Variants in ZNF676 observed in about 807,000 individuals in gnomAD.
ZNF676 encodes zinc finger protein 676.
ZNF676 carries 4 observed loss-of-function variants against 6.0 expected under a neutral mutation model. The observed-to-expected ratio is 0.67, with a 90% CI of 0.33 to 1.53. The LOEUF (loss-of-function observed/expected upper bound fraction) is 1.53, where lower values mean the gene tolerates loss of function less well. Among genes scored for constraint, ZNF676 ranks in the 40% most tolerant of loss-of-function variants. The probability of loss-of-function intolerance (pLI) is 0.06; values close to 1 mark genes in which losing one functional copy is unlikely to be tolerated. For missense variants in ZNF676, 644 were observed against 679.7 expected (o/e 0.95, Z 0.58); for synonymous variants, 198 against 223.1 (o/e 0.89, Z 1.00).
intron 1 of ZNF676, among the ~76,000 whole-genome samples, chr19:22,210,929 T>G (rs549989808): frequency 1.3e-5 from 2 of 152,306 alleles, no homozygotes; most frequent in Admixed American, 6.5e-5. Flanking sequence ...AAACATTCTC[T>G]GATCTAAAAT....
At chr19:22,226,865 C>T in the ZNF676 span, among the ~76,000 whole-genome samples, 2 of 152,220 alleles carry the variant, frequency 1.3e-5, no homozygotes, top group Admixed American at 1.3e-4. Context: ...TCCCAAAGTT[C>T]TCGGGTTACA....
the ZNF676 span, among the ~76,000 whole-genome samples, chr19:22,228,590 G>T: frequency 6.6e-6 from 1 of 152,164 alleles, no homozygotes; most frequent in Non-Finnish European, 1.5e-5. Context: ...TGACATGATT[G>T]TATGTTGAGA....
chr19:22,197,820 C>T (rs2144777760), upstream of ZNF676, among the ~76,000 whole-genome samples: 1 of 152,204 alleles, frequency 6.6e-6, no homozygotes, highest in East Asian at 1.9e-4. Context: ...ACATCAATTA[C>T]ACTAGAACAC....
chr19:22,213,368 C>T (rs917493914), intron 1 of ZNF676, among the ~76,000 whole-genome samples: 4 of 152,130 alleles, frequency 2.6e-5, no homozygotes, highest in Non-Finnish European at 4.4e-5. Context: ...CCTTCAATAC[C>T]GGCATCTGAT....
chr19:22,235,074 C>A, the ZNF676 span, among the ~76,000 whole-genome samples: 189 of 134,342 alleles, frequency 1.4e-3, no homozygotes, highest in African/African-American at 4.8e-3. Flanking sequence ...AGAAGGAAGT[C>A]AGGAAGGCAG....
chr19:22,190,668 T>TATATACAC (rs1233210246), intron 2 of ZNF676, among the ~76,000 whole-genome samples: 19 of 93,760 alleles, frequency 2.0e-4, no homozygotes, highest in Non-Finnish European at 2.9e-4. Context: ...TATATATACA[T>TATATACAC]ACACACTTTA....
chr19:22,191,976 T>C (rs548321990), intron 2 of ZNF676, among the ~76,000 whole-genome samples: 1 of 152,302 alleles, frequency 6.6e-6, no homozygotes, highest in East Asian at 1.9e-4. Flanking sequence ...TTGAAGTATG[T>C]GGAAGAAAAA....
the ZNF676 span, among the ~76,000 whole-genome samples, chr19:22,224,428 C>T: frequency 2.6e-4 from 36 of 136,618 alleles, no homozygotes; most frequent in South Asian, 9.2e-4. Context: ...AAATATGACT[C>T]CAATTATGGT....
chr19:22,197,037 T>C (rs562662129), upstream of ZNF676: 21 of 250,806 alleles, frequency 8.4e-5, no homozygotes, highest in African/African-American at 4.7e-4. Context: ...CATACAGAAT[T>C]GTGTGCCAGG....
intron 1 of ZNF676, chr19:22,215,589 A>G (rs2024176092): frequency 3.7e-6 from 6 of 1,606,550 alleles, no homozygotes; most frequent in Non-Finnish European, 5.1e-6. Flanking sequence ...GGTTCCAACC[A>G]GCCCAGGCCA....
the ZNF676 span, among the ~76,000 whole-genome samples, chr19:22,252,547 G>C: frequency 6.6e-6 from 1 of 152,142 alleles, no homozygotes; most frequent in Non-Finnish European, 1.5e-5. Flanking sequence ...CCTAGATGCT[G>C]GGTACAGCAG....
the ZNF676 span, among the ~76,000 whole-genome samples, chr19:22,237,138 A>G: frequency 1.3e-5 from 2 of 152,200 alleles, no homozygotes; most frequent in African/African-American, 4.8e-5. Context: ...AAAGTGACTA[A>G]TCCACTCCAG....
At chr19:22,212,613 G>A (rs1168446475) in intron 1 of ZNF676, among the ~76,000 whole-genome samples, 1 of 151,598 alleles carries the variant, frequency 6.6e-6, no homozygotes, top group Non-Finnish European at 1.5e-5. Context: ...GCTGAGGCAT[G>A]AGAATCACTT....
the ZNF676 span, among the ~76,000 whole-genome samples, chr19:22,223,946 T>G: frequency 6.6e-6 from 1 of 152,044 alleles, no homozygotes; most frequent in East Asian, 1.9e-4. Context: ...ATATGTAGCA[T>G]ATATTGTGTA....
the ZNF676 span, among the ~76,000 whole-genome samples, chr19:22,241,279 C>T: frequency 3.3e-5 from 5 of 152,038 alleles, no homozygotes; most frequent in East Asian, 9.7e-4. Context: ...GTATGAGAGT[C>T]AACACCTTTT....
Position 22,214,633 on chromosome 19 carries a change from A to AT in ZNF676, c.3+998dup, listed in dbSNP as rs547999589. Among the ~76,000 whole-genome samples, 304 of 149,834 alleles carry AT rather than the reference A, an allele frequency of 2.0e-3. 2 individuals carry two copies. The highest frequency in any genetic ancestry group is 6.6e-3 in the African/African-American group (270 of 40,736). Reference sequence around the variant, plus strand: ...AAAAAAAAAAATCTAATTCAAATGTATTTTTTTTAAATTACTACATTGGGG... The same window carrying AT: ...AAAAAAAAAAATCTAATTCAAATGTATTTTTTTTTAAATTACTACATTGGGG... On this transcript the variant is annotated intron_variant, in intron 1 of 3. Coordinates refer to the ZNF676 transcript ENST00000650058.
chr19:22,191,868 GT>G (rs771210757), intron 2 of ZNF676, among the ~76,000 whole-genome samples: 1 of 152,110 alleles, frequency 6.6e-6, no homozygotes, highest in African/African-American at 2.4e-5. Context: ...TCTGAAACCA[GT>G]TTATAAAAAT....
rs1422413152 is a variant in ZNF676 at position 22,180,039 on chromosome 19, G to T, written c.1678C>A (p.Pro560Thr). The T allele has an allele frequency of 6.2e-7, 1 of 1,613,794 alleles. No individual in the cohort carries two copies. The highest frequency in any genetic ancestry group is 8.5e-7 in the Non-Finnish European group (1 of 1,179,838). The change falls in exon 3 of 3, where the codon CCC (proline) becomes ACC (threonine). Residue 560 changes from proline (P) to threonine (T), a missense_variant. By Grantham distance (38) the Pro-to-Thr change is conservative (BLOSUM62 -1). Around this residue, in one of 5 missense-constraint regions of ZNF676, gnomAD observed 306 missense variants for 265.4 expected, o/e 1.15. Coordinates refer to ENST00000397121, the MANE Select transcript of ZNF676 (RefSeq NM_001001411.3). ...RHKRIHTGEK[P>T]YKCEECGKAF... ...TTGCCACATTCTTCACATTTGTAGGGTTTCTCTCCAGTATGAATTCTCTTG... is the reference window on the plus strand; with the variant it reads ...TTGCCACATTCTTCACATTTGTAGGTTTTCTCTCCAGTATGAATTCTCTTG...
rs188933325 is a variant in ZNF676 at position 22,187,739 on chromosome 19, C to T, written c.130+5277G>A. Among the ~76,000 whole-genome samples, 786 of 152,154 alleles carry T rather than the reference C, an allele frequency of 5.2e-3. 7 individuals are homozygous for T. Among genetic ancestry groups the T allele is most frequent in the Middle Eastern group, 0.014 (4 of 294 alleles). On this transcript the variant is annotated intron_variant, in intron 2 of 2. Transcript: ENST00000397121. ...AACTACCATGAGAGAATACTATAAA[C>T]GTCTCTATGCAAATAAACTAGAAAA...
Sources: gnomAD v4.1 joint callset for allele counts (sites outside exome capture counted in the v4.1 genomes callset) on GRCh38, gnomAD v4.1.1 for gene constraint, gnomAD v4.1.1 regional missense constraint, MANE v1.5 for transcripts, NCBI Gene and HGNC (gene_info 2026-07-23, HGNC 2026-07-21) for gene names.